Variants in SGCD observed in about 807,000 individuals in gnomAD.
The protein encoded by SGCD is sarcoglycan delta.
A neutral mutation model predicts 36.6 loss-of-function variants in SGCD; 18 were observed. The ratio of observed to expected loss-of-function variants is 0.49; its 90% CI spans 0.34 to 0.73. The LOEUF (loss-of-function observed/expected upper bound fraction) is 0.73. SGCD is among the 30% of genes least tolerant of loss of function. The probability of loss-of-function intolerance (pLI) is 0.01; values close to 1 mark genes in which losing one functional copy is unlikely to be tolerated. For synonymous variants in SGCD, 133 were observed against 130.6 expected, an observed-to-expected ratio of 1.02 and a Z score of -0.12; for missense variants, 387 against 346.7, an observed-to-expected ratio of 1.12 and a Z score of -0.92.
chr5:155,728,160 C>T, the SGCD span, among the ~76,000 whole-genome samples: 1 of 152,132 alleles, frequency 6.6e-6, no homozygotes, highest in Non-Finnish European at 1.5e-5. Context: ...CGCGACTGTG[C>T]AGCCTCTCCC....
At chr5:156,172,428 C>G (rs148992686) in intron 3 of SGCD, among the ~76,000 whole-genome samples, 165 of 152,354 alleles carry the variant, frequency 1.1e-3, no homozygotes, top group African/African-American at 3.7e-3. Flanking sequence ...TTCATCATGA[C>G]CATGCCATTT....
chr5:156,449,775 C>T (rs1427986319), intron 3 of SGCD, among the ~76,000 whole-genome samples: 1 of 145,668 alleles, frequency 6.9e-6, no homozygotes, highest in African/African-American at 2.6e-5. Context: ...TTGCTTGAAC[C>T]TGGGAGTTGG....
chr5:156,158,924 T>TA (rs1293392499), intron 3 of SGCD, among the ~76,000 whole-genome samples: 24 of 147,806 alleles, frequency 1.6e-4, no homozygotes, highest in South Asian at 4.3e-4. Flanking sequence ...TTCTCATCAT[T>TA]AAAAAAAAAA....
At chr5:156,034,745 G>A (rs1397285968) in intron 1 of SGCD, among the ~76,000 whole-genome samples, 1 of 152,198 alleles carries the variant, frequency 6.6e-6, no homozygotes, top group African/African-American at 2.4e-5. Context: ...TGTTCAAGAT[G>A]TGTCTCACCC....
At chr5:156,344,903 C>T (rs559156124) in intron 3 of SGCD, among the ~76,000 whole-genome samples, 2 of 152,300 alleles carry the variant, frequency 1.3e-5, no homozygotes, top group African/African-American at 4.8e-5. Flanking sequence ...ATATTTCCCT[C>T]CTTTAGAATC....
At chr5:155,891,850 C>T (rs985898502) in intron 1 of SGCD, among the ~76,000 whole-genome samples, 1 of 152,072 alleles carries the variant, frequency 6.6e-6, no homozygotes, top group South Asian at 2.1e-4. Context: ...GTTTCCTTAG[C>T]TTCTACTGGC....
At chr5:156,572,857 G>A (rs1246802249) in intron 4 of SGCD, among the ~76,000 whole-genome samples, 1 of 152,090 alleles carries the variant, frequency 6.6e-6, no homozygotes, top group African/African-American at 2.4e-5. Flanking sequence ...TGCTTTTCCT[G>A]TGAGAATTGA....
At chr5:156,039,706 T>C (rs1015642994) in intron 1 of SGCD, among the ~76,000 whole-genome samples, 2 of 152,196 alleles carry the variant, frequency 1.3e-5, no homozygotes, top group African/African-American at 4.8e-5. Flanking sequence ...CTTTTATACC[T>C]TGCAGGGTAT....
At chr5:155,869,460 A>G (rs1309360393), upstream of SGCD, among the ~76,000 whole-genome samples, 1 of 152,066 alleles carries the variant, frequency 6.6e-6, no homozygotes, top group Non-Finnish European at 1.5e-5. Context: ...AGTCATTATA[A>G]TGACCCTGTG....
chr5:156,752,177 GA>G (rs957828650), intron 7 of SGCD, among the ~76,000 whole-genome samples: 1 of 152,128 alleles, frequency 6.6e-6, no homozygotes, highest in Non-Finnish European at 1.5e-5. Flanking sequence ...TTATAAAGTG[GA>G]ATTATTCTGC....
chr5:156,211,854 C>G (rs1160390312), intron 3 of SGCD, among the ~76,000 whole-genome samples: 1 of 151,888 alleles, frequency 6.6e-6, no homozygotes, highest in East Asian at 1.9e-4. Context: ...AATTCTGACA[C>G]CGAAAACAAA....
chr5:156,094,805 A>G (rs1367603901), intron 1 of SGCD, among the ~76,000 whole-genome samples: 5 of 152,132 alleles, frequency 3.3e-5, no homozygotes, highest in Non-Finnish European at 7.3e-5. Flanking sequence ...GATCGAGACC[A>G]TCCTGGCCAA....
intron 1 of SGCD, among the ~76,000 whole-genome samples, chr5:155,927,309 GA>G (rs1437130017): frequency 6.6e-6 from 1 of 152,182 alleles, no homozygotes; most frequent in Admixed American, 6.5e-5. Context: ...AAATGCATTG[GA>G]ATGTGATAGT....
intron 1 of SGCD, among the ~76,000 whole-genome samples, chr5:155,888,684 T>C (rs868401765): frequency 9.2e-5 from 14 of 152,320 alleles, no homozygotes; most frequent in Middle Eastern, 3.4e-3. Flanking sequence ...GTCTCTATCT[T>C]CAGATGAAAG....
At chr5:156,185,850 T>G (rs13328086) in intron 3 of SGCD, among the ~76,000 whole-genome samples, 3 of 49,922 alleles carry the variant, frequency 6.0e-5, no homozygotes, top group African/African-American at 7.1e-5. Context: ...TATATATATA[T>G]AGAGAGAGAG....
At chr5:156,405,774 T>A (rs932377978) in intron 3 of SGCD, among the ~76,000 whole-genome samples, 2 of 152,138 alleles carry the variant, frequency 1.3e-5, no homozygotes, top group African/African-American at 4.8e-5. Flanking sequence ...AGTTTCCCAC[T>A]TTTTGTCTTG....
intron 3 of SGCD, among the ~76,000 whole-genome samples, chr5:156,143,623 A>G (rs1296324117): frequency 1.3e-5 from 2 of 152,210 alleles, no homozygotes; most frequent in African/African-American, 4.8e-5. Flanking sequence ...CATGCCCTGG[A>G]TGTGGGACAT....
At chr5:156,436,066 A>G (rs575704273) in intron 3 of SGCD, among the ~76,000 whole-genome samples, 51 of 152,304 alleles carry the variant, frequency 3.3e-4, no homozygotes, top group African/African-American at 1.2e-3. Flanking sequence ...CAGGGTAGCT[A>G]TCACTCCATT....
chr5:156,414,663 A>C (rs936103820), intron 3 of SGCD, among the ~76,000 whole-genome samples: 2 of 152,250 alleles, frequency 1.3e-5, no homozygotes, highest in African/African-American at 4.8e-5. Context: ...GGCTTTTACA[A>C]AAACAGGCGG....
Sources: allele counts gnomAD v4.1 joint callset (sites outside exome capture counted in the v4.1 genomes callset), GRCh38; gene constraint gnomAD v4.1.1; transcripts MANE v1.5; gene names NCBI Gene and HGNC (gene_info 2026-07-23, HGNC 2026-07-21).